Variants in CIP2A observed in about 807,000 individuals in gnomAD.
CIP2A encodes the protein protein CIP2A.
In CIP2A, 103 loss-of-function variants were observed where a neutral mutation model predicts 110.9. That is an observed-to-expected ratio of 0.93 (90% CI 0.79 to 1.09). The LOEUF (loss-of-function observed/expected upper bound fraction) is 1.09. Among genes scored for constraint, CIP2A ranks in the 50% least tolerant of loss-of-function variants. The probability of loss-of-function intolerance (pLI) is 0.00; values close to 1 mark genes in which losing one functional copy is unlikely to be tolerated. For synonymous variants in CIP2A, 381 were observed against 361.6 expected (o/e 1.05, Z -0.61); for missense variants, 1,088 against 1,038.4 (o/e 1.05, Z -0.66).
At chr3:108,552,619 C>G (rs2107306686) in intron 19 of CIP2A, among the ~76,000 whole-genome samples, 1 of 152,182 alleles carries the variant, frequency 6.6e-6, no homozygotes, top group South Asian at 2.1e-4. Context: ...AAAGGGAGAG[C>G]TACAACTATG....
At chr3:108,560,362 G>A (rs1353042040) in intron 14 of CIP2A, among the ~76,000 whole-genome samples, 2 of 152,062 alleles carry the variant, frequency 1.3e-5, no homozygotes, top group Non-Finnish European at 1.5e-5. Flanking sequence ...TAATAGAGAC[G>A]GGGTTTCGCC....
At chr3:108,562,822 TA>T (rs1476192101) in intron 13 of CIP2A, among the ~76,000 whole-genome samples, 10 of 152,094 alleles carry the variant, frequency 6.6e-5, no homozygotes, top group Admixed American at 2.0e-4. Context: ...ATGGAGGAAC[TA>T]AACTGGGAGG....
rs1015527091 is a variant in CIP2A at position 108,550,245 on chromosome 3, C to T, written c.*904G>A. 6.6e-6 allele frequency: 1 copy of T among 151,348 alleles called. No individual in the cohort carries two copies. The highest frequency in any genetic ancestry group is 1.5e-5 in the Non-Finnish European group (1 of 67,658). 9.4% of individuals were successfully genotyped at this position (151,348 alleles called of 1,614,324 possible). On this transcript the variant is annotated 3_prime_UTR_variant, in exon 21 of 21. Transcript: ENST00000295746. Reference sequence around the variant, plus strand: ...AAAAAATAAAGATATTTAACCTATGCTTTAAAATTAAATGAACCAATTAAA... The same window carrying T: ...AAAAAATAAAGATATTTAACCTATGTTTTAAAATTAAATGAACCAATTAAA...
intron 10 of CIP2A, among the ~76,000 whole-genome samples, chr3:108,567,505 A>G (rs1459443256): frequency 6.6e-6 from 1 of 152,014 alleles, no homozygotes; most frequent in African/African-American, 2.4e-5. Flanking sequence ...ATATTTTAAA[A>G]TTGGGACTTC....
chr3:108,556,545 T>C (rs1461051644), intron 17 of CIP2A, among the ~76,000 whole-genome samples: 1 of 152,192 alleles, frequency 6.6e-6, no homozygotes, highest in African/African-American at 2.4e-5. Context: ...ATTAAACTTT[T>C]TGAGTGCTAC....
chr3:108,554,390 C>T lies in CIP2A; in HGVS notation c.2310G>A (p.Lys770=), dbSNP rs558344754. 3 of 1,481,348 alleles carry T rather than the reference C, an allele frequency of 2.0e-6. No homozygotes were observed. The East Asian group carries it at 6.9e-5, about 34-fold the overall frequency. The allele number at this position is 1,481,348 out of a possible 1,614,324, so 91.8% of individuals were successfully genotyped here. A position where few individuals can be genotyped will look rare whatever the true frequency, so the allele number is the denominator to read the frequency against. ...AGAGATTTTACTTTTCATTTTGTTC[C>T]TTGAGTGACTCATTCAACTTTTTCA... ...ETVKKLNESL[K]EQNEKSIAQL... Residue 770 remains lysine, a synonymous_variant, in exon 18 of 21, where the codon AAG becomes AAA. Transcript: ENST00000295746.
At chr3:108,557,698 C>T (rs1937858289) in intron 16 of CIP2A, among the ~76,000 whole-genome samples, 1 of 152,024 alleles carries the variant, frequency 6.6e-6, no homozygotes, top group Non-Finnish European at 1.5e-5. Context: ...ATACAGTATT[C>T]AATTAAAAAG....
intron 12 of CIP2A, among the ~76,000 whole-genome samples, chr3:108,564,494 C>T (rs1467023845): frequency 6.6e-6 from 1 of 151,880 alleles, no homozygotes; most frequent in East Asian, 1.9e-4. Flanking sequence ...GGAGTAGTCT[C>T]CTCCACTATG....
In CIP2A at chr3:108,585,086, T is replaced by C. The variant is rs911122967; in HGVS notation, c.229A>G (p.Ile77Val). 6.2e-7 allele frequency: 1 copy of C among 1,611,914 alleles called. No individual in the cohort carries two copies. Among genetic ancestry groups the C allele is most frequent in the Non-Finnish European group, 8.5e-7 (1 of 1,179,154 alleles). Residue 77 changes from isoleucine (I) to valine (V), a missense_variant, in exon 2 of 21, where the codon ATC becomes GTC. By Grantham distance (29) the Ile-to-Val change is conservative. Transcript: ENST00000295746. ...NISASLILSI[I>V]GLLSQLAVDI... ...TTACCTAGTTGAGACAGCAAACCGATAATACTTAAGATCAGTGAAGCACTT... is the reference window on the plus strand; with the variant it reads ...TTACCTAGTTGAGACAGCAAACCGACAATACTTAAGATCAGTGAAGCACTT...
chr3:108,583,411 G>A (rs541947518), intron 2 of CIP2A, among the ~76,000 whole-genome samples: 1 of 152,074 alleles, frequency 6.6e-6, no homozygotes, highest in Non-Finnish European at 1.5e-5. Flanking sequence ...ATACTATTTG[G>A]CCATATAAAA....
rs148369995 is a variant in CIP2A, at chr3:108,580,295, G to A, written c.550-607C>T. Among the ~76,000 whole-genome samples, 1,274 of 152,266 alleles carry A rather than the reference G, an allele frequency of 8.4e-3. 18 individuals carry two copies. The highest frequency in any genetic ancestry group is 0.029 in the African/African-American group (1,220 of 41,530). On this transcript the variant is annotated intron_variant, in intron 5 of 20. Coordinates refer to ENST00000295746, the MANE Select transcript of CIP2A (RefSeq NM_020890.3). ...AGCAAGATGGGTAGTTTCGTATATT[G>A]CTGACAGTCATATAGATAGCCACAA...
intron 7 of CIP2A, among the ~76,000 whole-genome samples, 166 bp from the exon 8 acceptor site, chr3:108,576,512 T>C (rs1254721000): frequency 6.6e-6 from 1 of 152,198 alleles, no homozygotes; most frequent in Non-Finnish European, 1.5e-5. Context: ...TTAAAACATA[T>C]GTCTTACAAT....
chr3:108,564,597 C>T (rs1938117992), intron 12 of CIP2A, among the ~76,000 whole-genome samples: 1 of 151,666 alleles, frequency 6.6e-6, no homozygotes, highest in Non-Finnish European at 1.5e-5. Context: ...TTCCAAAAAA[C>T]CAGGAGATTT....
chr3:108,563,323 T>C (rs1938072196), intron 12 of CIP2A, 79 bp from the exon 13 acceptor site: 1 of 804,314 alleles, frequency 1.2e-6, no homozygotes, highest in South Asian at 1.5e-5. Context: ...GGTGAGTAAA[T>C]ATATGTAAAT....
At chr3:108,577,409 CAT>C (rs1938694027) in intron 7 of CIP2A, among the ~76,000 whole-genome samples, 1 of 152,138 alleles carries the variant, frequency 6.6e-6, no homozygotes, top group Non-Finnish European at 1.5e-5. Context: ...TGAGGCAATA[CAT>C]AGAGTAATGG....
At chr3:108,570,862 T>C (rs996536092) in intron 8 of CIP2A, among the ~76,000 whole-genome samples, 3 of 152,180 alleles carry the variant, frequency 2.0e-5, no homozygotes, top group Non-Finnish European at 4.4e-5. Context: ...TTTATAAACC[T>C]ATCCATTTTT....
chr3:108,585,335 C>T, intron 1 of CIP2A, 123 bp from the exon 2 acceptor site: 1 of 865,644 alleles, frequency 1.2e-6, no homozygotes, highest in Non-Finnish European at 1.7e-6. Flanking sequence ...AAAAAATTCA[C>T]ACATGCTGTG....
Position 108,565,471 on chromosome 3 carries a change from C to T in CIP2A, c.1416-17G>A. ...GCAAGTTTGCTTTAAAGATAAATCA[C>T]ATTTAAATTAGATAACTGAAAAATT... On this transcript the variant is annotated splice_polypyrimidine_tract_variant and intron_variant, in intron 11 of 20. Coordinates refer to ENST00000295746, the MANE Select transcript of CIP2A (RefSeq NM_020890.3). The T allele has an allele frequency of 7.2e-7, 1 of 1,393,090 alleles. No homozygotes were observed. Among genetic ancestry groups the T allele is most frequent in the Non-Finnish European group, 1.0e-6 (1 of 1,002,936 alleles). 86.3% of individuals were successfully genotyped at this position (1,393,090 alleles called of 1,614,324 possible).
intron 7 of CIP2A, among the ~76,000 whole-genome samples, chr3:108,576,858 T>C (rs1938671656): frequency 6.6e-6 from 1 of 152,190 alleles, no homozygotes; most frequent in Non-Finnish European, 1.5e-5. Context: ...ATGTGACTGA[T>C]GTATCCTAGA....
Sources: allele counts gnomAD v4.1 joint callset (sites outside exome capture counted in the v4.1 genomes callset), GRCh38; gene constraint gnomAD v4.1.1; transcripts MANE v1.5; gene names NCBI Gene and HGNC (gene_info 2026-07-23, HGNC 2026-07-21).